Variants in KIF18B observed in about 807,000 individuals in gnomAD.
KIF18B encodes kinesin family member 18B.
A neutral mutation model predicts 80.9 loss-of-function variants in KIF18B; 49 were observed. The ratio of observed to expected loss-of-function variants is 0.61; its 90% confidence interval spans 0.48 to 0.77. KIF18B has a LOEUF of 0.77. Among genes scored for constraint, KIF18B ranks in the 30% least tolerant of loss-of-function variants. The pLI is 0.00. For synonymous variants in KIF18B, 439 were observed against 463.9 expected (o/e 0.95, Z 0.69); for missense variants, 994 against 1,127.7 (o/e 0.88, Z 1.70).
chr17:44,926,537 CCTGT>C, intron 14 of KIF18B, 38 bp from the exon 15 acceptor site: 7 of 1,535,902 alleles, frequency 4.6e-6, no homozygotes, highest in Non-Finnish European at 6.1e-6. Flanking sequence ...AGGTTACGGC[CCTGT>C]CTCTGGACTA....
intron 2 of KIF18B, 94 bp downstream of exon 2, chr17:44,935,938 G>T: frequency 8.8e-7 from 1 of 1,137,038 alleles, no homozygotes; most frequent in Non-Finnish European, 1.3e-6. Context: ...CCCAGCTTGG[G>T]GGAGGCGGGC....
chr17:44,932,105 GAA>G lies in KIF18B; in HGVS notation c.1338_1339del (p.Ser447ArgfsTer9). 1 of 1,613,918 alleles carries G rather than the reference GAA, an allele frequency of 6.2e-7. No homozygotes were observed. The highest frequency in any genetic ancestry group is 1.1e-5 in the South Asian group (1 of 91,048). On this transcript the variant is annotated frameshift_variant, in exon 10 of 16. Coordinates refer to ENST00000593135, the MANE Select transcript of KIF18B (RefSeq NM_001265577.2). LOFTEE classifies it high-confidence loss of function. ...ATCCTCTGGGGACTGCTCCTGGTCT[GAA>G]GAGTTCCCTTCCATGGCCCTCTCCA...
chr17:44,931,814 A>G (rs2052155169), intron 10 of KIF18B, 85 bp from the exon 11 acceptor site: 2 of 1,533,600 alleles, frequency 1.3e-6, no homozygotes, highest in Non-Finnish European at 1.8e-6. Context: ...CTTCCCTCCT[A>G]CAAGAGTGGA....
chr17:44,935,524 T>G (rs1477941243), intron 2 of KIF18B, 108 bp from the exon 3 acceptor site: 1 of 1,153,352 alleles, frequency 8.7e-7, no homozygotes, highest in East Asian at 2.5e-5. Context: ...CCCTGGTCCA[T>G]TAATCCCACT....
At position 44,927,345 on chromosome 17, in the gene KIF18B, G is replaced by C. The variant is rs942868162; in HGVS notation, c.2277-267C>G. 6.6e-6 allele frequency among the ~76,000 whole-genome samples: 1 copy of C among 152,190 alleles called. No individual in the cohort carries two copies. The highest frequency in any genetic ancestry group is 2.4e-5 in the African/African-American group (1 of 41,444). On this transcript the variant is annotated intron_variant, in intron 13 of 15. Coordinates refer to ENST00000593135, the MANE Select transcript of KIF18B (RefSeq NM_001265577.2). This position sits in a 1 kb window ranked among gnomAD's most constrained non-coding sequence, Gnocchi z 4.1. ...ACAATTTCACCCTTCCACCTGCCCA[G>C]CTCTGCGCTTGTTACCGAGAGCTGC... is the stretch of plus-strand genomic sequence containing the variant.
In KIF18B at chr17:44,927,094, A is replaced by G. The variant is rs535126975; in HGVS notation, c.2277-16T>C. 1.9e-6 allele frequency: 3 copies of G among 1,589,944 alleles called. No homozygotes were observed. In the East Asian group the frequency reaches 6.7e-5, roughly 36 times the overall value. On this transcript the variant is annotated splice_polypyrimidine_tract_variant and intron_variant, in intron 13 of 15. Coordinates refer to ENST00000593135, the MANE Select transcript of KIF18B (RefSeq NM_001265577.2). This position sits in a 1 kb window ranked among gnomAD's most constrained non-coding sequence, Gnocchi z 4.1. ...CACAGGTGCCCTGGGGAGGGAGGAC[A>G]GGGAAGGAGGCTGATCAGCAGGGAA...
At position 44,934,749 on chromosome 17, in the gene KIF18B, C is replaced by T; in HGVS notation, c.576+82G>A. ...CACCACTGCTACCACCATCACAGGA[C>T]CCAGGGCATCCCCAAACAGTTTTGT... On this transcript the variant is annotated intron_variant, in intron 4 of 15. Transcript: ENST00000593135. The surrounding 1 kb of genome is among the most constrained non-coding windows in gnomAD (Gnocchi z 5.4). 7.8e-7 allele frequency: 1 copy of T among 1,285,182 alleles called. No homozygotes were observed. Among genetic ancestry groups the T allele is most frequent in the Admixed American group, 2.2e-5 (1 of 45,120 alleles). The allele number at this position is 1,285,182 out of a possible 1,614,324, so 79.6% of individuals were successfully genotyped here. A position where few individuals can be genotyped will look rare whatever the true frequency, so the allele number is the denominator to read the frequency against.
Position 44,934,403 on chromosome 17 carries a change from G to A in KIF18B, c.715C>T (p.Pro239Ser), listed in dbSNP as rs746126853. The change falls in exon 6 of 16, where the codon CCA (proline) becomes TCA (serine). Residue 239 changes from proline to serine, a missense_variant. Coordinates refer to ENST00000593135, the MANE Select transcript of KIF18B (RefSeq NM_001265577.2). This position sits in a 1 kb window ranked among gnomAD's most constrained non-coding sequence, Gnocchi z 5.4. ...ACCTGGACAGCCTGGGTCAGTCCTG[G>A]AACCCGGTCCTGCTGCTTCACAAAG... ...QIFVKQQDRVPGLTQAVQVAK... is the reference protein window; with the variant it reads ...QIFVKQQDRVSGLTQAVQVAK... The A allele has an allele frequency of 1.9e-6, 3 of 1,606,758 alleles. No individual in the cohort carries two copies. The South Asian group carries it at 3.3e-5, about 18-fold the overall frequency.
rs2052074568 is a variant in KIF18B at position 44,928,359 on chromosome 17, T to C, written c.1943A>G (p.Lys648Arg). 1 of 1,599,306 alleles carries C rather than the reference T, an allele frequency of 6.3e-7. No homozygotes were observed. The highest frequency in any genetic ancestry group is 8.5e-7 in the Non-Finnish European group (1 of 1,174,062). Residue 648 changes from lysine (K) to arginine (R), a missense_variant, in exon 13 of 16, where the codon AAG becomes AGG. Transcript: ENST00000593135. ...GGGCAGGAAGGACTGGCGCTGGCGC[T>C]TGGTGCCCCGCTTTGGGGCCATGGG... is the stretch of plus-strand genomic sequence containing the variant. ...DSPMAPKRGTKRQRQSFLPCL... is the reference protein window; with the variant it reads ...DSPMAPKRGTRRQRQSFLPCL...
Position 44,934,499 on chromosome 17 carries a change from G to T in KIF18B, c.687+8C>A. 6.2e-7 allele frequency: 1 copy of T among 1,610,642 alleles called. No homozygotes were observed. Among genetic ancestry groups the T allele is most frequent in the Non-Finnish European group, 8.5e-7 (1 of 1,178,180 alleles). On this transcript the variant is annotated splice_region_variant and intron_variant, in intron 5 of 15. Transcript: ENST00000593135. This position sits in a 1 kb window ranked among gnomAD's most constrained non-coding sequence, Gnocchi z 5.4. ...GCACTGGTTTCAGGCTCTGACCCAT[G>T]ACCTCACCTGGAAGATGGCATGGGA...
At position 44,926,205 on chromosome 17, in the gene KIF18B, G is replaced by T. The variant is rs764482326; in HGVS notation, c.2453-19C>A. The T allele has an allele frequency of 1.1e-5, 17 of 1,613,470 alleles. No individual in the cohort carries two copies. In the South Asian group the frequency reaches 1.9e-4, roughly 18 times the overall value. On this transcript the variant is annotated intron_variant, in intron 15 of 15. Coordinates refer to ENST00000593135, the MANE Select transcript of KIF18B (RefSeq NM_001265577.2). ...GGCAGCTCTGCAGGCCAGTTGGATG[G>T]GTGGCGGGGAGTGCAGCGAGGAAGG...
Position 44,936,043 on chromosome 17 carries a change from T to C in KIF18B, c.302A>G (p.Tyr101Cys), listed in dbSNP as rs770353686. The C allele has an allele frequency of 1.9e-6, 3 of 1,613,660 alleles. No homozygotes were observed. Among genetic ancestry groups the C allele is most frequent in the Non-Finnish European group, 2.5e-6 (3 of 1,179,826 alleles). ...GCTGAGGTTCTCACCTGAGCAGTTGTAGCCCTGGAGGAAGCTGTCCAGGAC... is the reference window on the plus strand; with the variant it reads ...GCTGAGGTTCTCACCTGAGCAGTTGCAGCCCTGGAGGAAGCTGTCCAGGAC... Reference protein sequence around the residue: ...HSVLDSFLQGYNCSVFAYGAT... With the variant: ...HSVLDSFLQGCNCSVFAYGAT... The change falls in exon 2 of 16, where the codon TAC (tyrosine) becomes TGC (cysteine). Residue 101 changes from tyrosine (Y) to cysteine (C), a missense_variant. Transcript: ENST00000593135.
chr17:44,933,375 C>T (rs76425774), intron 7 of KIF18B, among the ~76,000 whole-genome samples: 5,318 of 152,260 alleles, frequency 0.035, 337 homozygotes, highest in African/African-American at 0.12. Flanking sequence ...TGAGAGGCCA[C>T]CCTCCTGCCG....
rs1243304702 is a variant in KIF18B at position 44,934,226 on chromosome 17, G to C, written c.885+7C>G. ...CCTGGGGAGAATACTGGCCTGTGCT[G>C]CTTTACCTTTGCATCGGCCAAGGCA... On this transcript the variant is annotated splice_region_variant and intron_variant, in intron 6 of 15. Coordinates refer to ENST00000593135, the MANE Select transcript of KIF18B (RefSeq NM_001265577.2). The surrounding 1 kb of genome is among the most constrained non-coding windows in gnomAD (Gnocchi z 5.4). The C allele has an allele frequency of 1.2e-6, 2 of 1,607,434 alleles. No individual in the cohort carries two copies. Among genetic ancestry groups the C allele is most frequent in the African/African-American group, 2.7e-5 (2 of 75,010 alleles).
Position 44,934,627 on chromosome 17 carries a change from A to C in KIF18B, c.577-10T>G. The C allele has an allele frequency of 6.3e-7, 1 of 1,590,290 alleles. No homozygotes were observed. Among genetic ancestry groups the C allele is most frequent in the Non-Finnish European group, 8.6e-7 (1 of 1,167,546 alleles). On this transcript the variant is annotated splice_polypyrimidine_tract_variant and intron_variant, in intron 4 of 15. Transcript: ENST00000593135. This position sits in a 1 kb window ranked among gnomAD's most constrained non-coding sequence, Gnocchi z 5.4. ...GCTCGGCTGAGGCTGGCTACAGAGG[A>C]GAAGCCCAGGAACGGGGCTGTGGGT...
chr17:44,937,440 T>C (rs571785283), intron 1 of KIF18B, among the ~76,000 whole-genome samples: 11 of 152,312 alleles, frequency 7.2e-5, no homozygotes, highest in African/African-American at 2.2e-4. Flanking sequence ...GATTTTATAG[T>C]TTTCTATCTC....
rs1025810908 is a variant in KIF18B, at chr17:44,932,157, C to T, written c.1288G>A (p.Glu430Lys). 6.2e-7 allele frequency: 1 copy of T among 1,613,624 alleles called. No homozygotes were observed. Among genetic ancestry groups the T allele is most frequent in the Non-Finnish European group, 8.5e-7 (1 of 1,179,796 alleles). The change falls in exon 10 of 16, where the codon GAG (glutamate) becomes AAG (lysine). Residue 430 changes from glutamate to lysine, a missense_variant. Transcript: ENST00000593135. The part of the protein sequence containing the change: ...LPAGPRALQE[E>K]SLGMEAQVER... ...ACCTGGGCCTCCATCCCCAGACTCT[C>T]CTCTTGAAGGGCTCTAGGCCCTGCA...
At chr17:44,932,530 G>A (rs541945877) in intron 9 of KIF18B, 143 bp downstream of exon 9, 1 of 640,154 alleles carries the variant, frequency 1.6e-6, no homozygotes, top group Non-Finnish European at 2.8e-6. Flanking sequence ...CAGTTGCTGG[G>A]CAGGCACTGG....
In KIF18B at chr17:44,934,870, G is replaced by T. The variant is rs1290720221; in HGVS notation, c.537C>A (p.Pro179=). ...GTCCTTGCACCACCACCCCCTTGTC[G>T]GGGTCCTCGCGGATGGCAAGGGGCC... ...PKGPLAIRED[P]DKGVVVQGLS... is the part of the protein sequence containing the mutation. Residue 179 remains proline (P), a synonymous_variant, in exon 4 of 16, where the codon CCC becomes CCA. Coordinates refer to ENST00000593135, the MANE Select transcript of KIF18B (RefSeq NM_001265577.2). This position sits in a 1 kb window ranked among gnomAD's most constrained non-coding sequence, Gnocchi z 5.4. The T allele has an allele frequency of 6.4e-7, 1 of 1,551,388 alleles. No individual in the cohort carries two copies. The highest frequency in any genetic ancestry group is 2.0e-5 in the Admixed American group (1 of 51,084).
Sources: gnomAD v4.1 joint callset for allele counts (sites outside exome capture counted in the v4.1 genomes callset) on GRCh38, gnomAD v4.1.1 for gene constraint, Gnocchi (gnomAD v3.1) non-coding constraint, MANE v1.5 for transcripts, NCBI Gene and HGNC (gene_info 2026-07-23, HGNC 2026-07-21) for gene names.